PLPPR1: variants seen among roughly 807,000 people sequenced by gnomAD.
The protein encoded by PLPPR1 is phospholipid phosphatase related 1, also known as phospholipid phosphatase-related protein type 1.
In PLPPR1, 10 loss-of-function variants were observed where a neutral mutation model predicts 33.1. The ratio of observed to expected loss-of-function variants is 0.30; its 90% CI spans 0.19 to 0.51. The LOEUF is 0.51. Among genes scored for constraint, PLPPR1 ranks in the 20% least tolerant of loss-of-function variants. PLPPR1 has a pLI of 0.97. For missense variants in PLPPR1, 304 were observed against 408.1 expected (o/e 0.74, Z 2.20); for synonymous variants, 151 against 151.0 (o/e 1.00, Z 0.00).
At chr9:101,140,257 A>G (rs1162427579) in intron 1 of PLPPR1, among the ~76,000 whole-genome samples, 1 of 152,194 alleles carries the variant, frequency 6.6e-6, no homozygotes. Flanking sequence ...AATAAGGTGA[A>G]TAAGTAGAGA....
intron 4 of PLPPR1, among the ~76,000 whole-genome samples, chr9:101,294,259 T>G (rs1281622147): frequency 1.3e-5 from 2 of 151,788 alleles, no homozygotes; most frequent in African/African-American, 4.8e-5. Flanking sequence ...CAGGAAGAAG[T>G]TGAATCTCTG....
chr9:101,112,089 G>T (rs1206853708), intron 1 of PLPPR1, among the ~76,000 whole-genome samples: 1 of 152,130 alleles, frequency 6.6e-6, no homozygotes, highest in Admixed American at 6.5e-5. Context: ...TGTCAACTGA[G>T]AATCATATTT....
intron 4 of PLPPR1, among the ~76,000 whole-genome samples, chr9:101,292,445 A>G (rs1828529452): frequency 6.6e-6 from 1 of 152,218 alleles, no homozygotes; most frequent in Non-Finnish European, 1.5e-5. Flanking sequence ...AGAGAATGCC[A>G]CAAACATACT....
At chr9:101,309,846 C>T (rs1034227617) in intron 5 of PLPPR1, among the ~76,000 whole-genome samples, 13 of 152,202 alleles carry the variant, frequency 8.5e-5, no homozygotes, top group African/African-American at 2.6e-4. Flanking sequence ...TCGTTGGTTT[C>T]GGAACAGCAC....
Position 101,312,793 on chromosome 9 carries a change from T to C in PLPPR1, c.637-5T>C, listed in dbSNP as rs749607568. ...GGTCACTCCCTGGCCTCTGTCCTAT[T>C]CCAGATGTATATTACAAGCACAATC... On this transcript the variant is annotated splice_region_variant and splice_polypyrimidine_tract_variant and intron_variant, in intron 5 of 7. Transcript: ENST00000374874. 1 of 1,613,802 alleles carries C rather than the reference T, an allele frequency of 6.2e-7. No individual in the cohort carries two copies. The highest frequency in any genetic ancestry group is 8.5e-7 in the Non-Finnish European group (1 of 1,179,918).
At chr9:101,135,911 A>G (rs544950165) in intron 1 of PLPPR1, among the ~76,000 whole-genome samples, 1 of 152,330 alleles carries the variant, frequency 6.6e-6, no homozygotes, top group South Asian at 2.1e-4. Flanking sequence ...CTGTCCATTA[A>G]CACACCCAAG....
chr9:101,087,770 T>C (rs1205366556), intron 1 of PLPPR1, among the ~76,000 whole-genome samples: 1 of 152,214 alleles, frequency 6.6e-6, no homozygotes, highest in Non-Finnish European at 1.5e-5. Flanking sequence ...CATTCAGTGT[T>C]GCTAATCATT....
chr9:101,066,895 C>G (rs1830424916), intron 1 of PLPPR1, among the ~76,000 whole-genome samples: 1 of 151,954 alleles, frequency 6.6e-6, no homozygotes, highest in African/African-American at 2.4e-5. Context: ...TTGAATTTCC[C>G]CAGCCTACCA....
chr9:101,069,157 T>C (rs1830454641), intron 1 of PLPPR1, among the ~76,000 whole-genome samples: 1 of 150,630 alleles, frequency 6.6e-6, no homozygotes, highest in Non-Finnish European at 1.5e-5. Context: ...AAAGCTGTGA[T>C]GCTGCAAAAC....
intron 1 of PLPPR1, among the ~76,000 whole-genome samples, chr9:101,163,216 G>A (rs72741444): frequency 0.17 from 25,925 of 152,060 alleles, 2,406 homozygotes; most frequent in Non-Finnish European, 0.22. Context: ...ATCATAGTTT[G>A]TTCCTATTTG....
intron 4 of PLPPR1, among the ~76,000 whole-genome samples, chr9:101,296,007 G>C (rs1221020362): frequency 2.6e-5 from 4 of 151,552 alleles, no homozygotes; most frequent in Non-Finnish European, 5.9e-5. Flanking sequence ...CCATCAGAGT[G>C]AACAGGCAAC....
intron 1 of PLPPR1, among the ~76,000 whole-genome samples, chr9:101,078,173 GAAGAAGAAGAA>G (rs1830568280): frequency 4.7e-4 from 19 of 40,706 alleles, no homozygotes; most frequent in South Asian, 2.0e-3. Context: ...AGAAGAAGAA[GAAGAAGAAGAA>G]GAGGAGGGGG....
chr9:101,225,242 T>A (rs1446363593), intron 2 of PLPPR1, among the ~76,000 whole-genome samples: 1 of 152,198 alleles, frequency 6.6e-6, no homozygotes, highest in East Asian at 1.9e-4. Context: ...AGGAATGAAT[T>A]TTGCCAGCAA....
At chr9:101,320,267 C>T (rs1829130660) in intron 7 of PLPPR1, among the ~76,000 whole-genome samples, 1 of 152,126 alleles carries the variant, frequency 6.6e-6, no homozygotes, top group South Asian at 2.1e-4. Context: ...GCCAAAGGAC[C>T]CTCCAGACCC....
chr9:101,199,486 G>GTGTT (rs1209466494), intron 2 of PLPPR1, among the ~76,000 whole-genome samples: 1 of 152,154 alleles, frequency 6.6e-6, no homozygotes, highest in East Asian at 1.9e-4. Context: ...AGCAGACCAT[G>GTGTT]TGTTAGAAAA....
At chr9:101,295,624 A>G (rs888586344) in intron 4 of PLPPR1, among the ~76,000 whole-genome samples, 2 of 150,030 alleles carry the variant, frequency 1.3e-5, no homozygotes, top group Admixed American at 1.3e-4. Flanking sequence ...ATGGAACAGA[A>G]CAGAGCCCTC....
chr9:101,196,637 G>T (rs1478016144), intron 2 of PLPPR1, among the ~76,000 whole-genome samples: 2 of 152,124 alleles, frequency 1.3e-5, no homozygotes, highest in African/African-American at 4.8e-5. Context: ...CGAGGCGGGC[G>T]GATCACGAGG....
At chr9:101,123,872 CT>C (rs1399197428) in intron 1 of PLPPR1, among the ~76,000 whole-genome samples, 2 of 152,080 alleles carry the variant, frequency 1.3e-5, no homozygotes, top group East Asian at 3.9e-4. Flanking sequence ...AGCCTTCCAC[CT>C]TTAGCACAGA....
intron 1 of PLPPR1, among the ~76,000 whole-genome samples, chr9:101,051,421 G>C (rs1830221818): frequency 6.6e-6 from 1 of 152,056 alleles, no homozygotes. Flanking sequence ...TCCTCCAATA[G>C]TAAGCCCCAG....
Sources: allele counts gnomAD v4.1 joint callset (sites outside exome capture counted in the v4.1 genomes callset), GRCh38; gene constraint gnomAD v4.1.1; transcripts MANE v1.5; gene names NCBI Gene and HGNC (gene_info 2026-07-23, HGNC 2026-07-21).